DIS3L2: variants seen among roughly 807,000 people sequenced by gnomAD.
DIS3L2 encodes DIS3 like 3'-5' exoribonuclease 2.
A neutral mutation model predicts 97.5 loss-of-function variants in DIS3L2; 34 were observed. That is an observed-to-expected ratio of 0.35 (90% CI 0.27 to 0.46). The LOEUF is 0.46. Ranked by LOEUF, DIS3L2 falls within the 20% of genes least tolerant of loss-of-function variation. The probability of loss-of-function intolerance (pLI) is 1.00; values close to 1 mark genes in which losing one functional copy is unlikely to be tolerated. For missense variants in DIS3L2, 1,038 were observed against 1,146.0 expected, an observed-to-expected ratio of 0.91 and a Z score of 1.36; for synonymous variants, 435 against 445.2, an observed-to-expected ratio of 0.98 and a Z score of 0.29.
rs1698189407 is a variant in DIS3L2 at position 232,130,651 on chromosome 2, G to T, written c.634G>T (p.Asp212Tyr). The change falls in exon 7 of 21, where the codon GAT becomes TAT. Residue 212 changes from aspartate (D) to tyrosine (Y), a missense_variant. By Grantham distance (160) the Asp-to-Tyr change is radical. This residue lies in a region of DIS3L2 where 813 missense variants were observed against 880.1 expected (regional missense o/e 0.92). Transcript: ENST00000325385. ...GGATGGTGATGCACCGGTTACAAAA[G>T]ATGAGACCACCTGCATTTCACAAGA... is the stretch of plus-strand genomic sequence containing the variant. ...REDGDAPVTKDETTCISQDTR... is the reference protein window; with the variant it reads ...REDGDAPVTKYETTCISQDTR... The T allele has an allele frequency of 1.2e-6, 2 of 1,613,288 alleles. No individual in the cohort carries two copies. The highest frequency in any genetic ancestry group is 1.7e-4 in the Middle Eastern group (1 of 6,056).
At chr2:231,988,648 A>G (rs1693488535) in intron 1 of DIS3L2, among the ~76,000 whole-genome samples, 1 of 152,190 alleles carries the variant, frequency 6.6e-6, no homozygotes, top group African/African-American at 2.4e-5. Context: ...GTGTGTAGGC[A>G]GGAAGATGGT....
In DIS3L2 at chr2:232,300,210, G is replaced by A. The variant is rs1217382562; in HGVS notation, c.1739+91G>A. 4 of 1,269,712 alleles carry A rather than the reference G, an allele frequency of 3.2e-6. No homozygotes were observed. The African/African-American group carries it at 4.4e-5, about 14-fold the overall frequency. The allele number at this position is 1,269,712 out of a possible 1,614,324, so 78.7% of individuals were successfully genotyped here. A position where few individuals can be genotyped will look rare whatever the true frequency, so the allele number is the denominator to read the frequency against. ...TGACACTGAGCTTCCATTGCTAAGTGGTTGTCAGGAAGGGAATACACCTTT... is the reference window on the plus strand; with the variant it reads ...TGACACTGAGCTTCCATTGCTAAGTAGTTGTCAGGAAGGGAATACACCTTT... On this transcript the variant is annotated intron_variant, in intron 14 of 20. Transcript: ENST00000325385.
chr2:231,987,920 C>A (rs553271145), intron 1 of DIS3L2, among the ~76,000 whole-genome samples: 30 of 152,016 alleles, frequency 2.0e-4, no homozygotes, highest in African/African-American at 6.5e-4. Context: ...GCTCACTGTG[C>A]GCGACCTCTG....
At chr2:232,011,497 C>T (rs370786377) in intron 1 of DIS3L2, among the ~76,000 whole-genome samples, 4 of 151,744 alleles carry the variant, frequency 2.6e-5, no homozygotes, top group Admixed American at 6.6e-5. Flanking sequence ...GGAGTACAGG[C>T]GTGCACCACC....
chr2:232,177,026 A>G (rs902859296), intron 9 of DIS3L2, among the ~76,000 whole-genome samples: 4 of 144,186 alleles, frequency 2.8e-5, no homozygotes, highest in East Asian at 2.0e-4. Context: ...TCATTGTTCA[A>G]TTCCCACCTA....
intron 1 of DIS3L2, among the ~76,000 whole-genome samples, chr2:231,975,702 C>T (rs1693065413): frequency 1.4e-5 from 1 of 72,832 alleles, no homozygotes. Context: ...GAGACTCCGC[C>T]TCAAAAAAAA....
chr2:232,096,285 A>T (rs565195805), intron 6 of DIS3L2, among the ~76,000 whole-genome samples: 20 of 151,514 alleles, frequency 1.3e-4, no homozygotes, highest in Non-Finnish European at 2.8e-4. Flanking sequence ...ACAGGGTTTC[A>T]CCGTGTTAGC....
At chr2:232,135,873 G>A (rs549318516) in intron 7 of DIS3L2, among the ~76,000 whole-genome samples, 1 of 152,068 alleles carries the variant, frequency 6.6e-6, no homozygotes, top group Non-Finnish European at 1.5e-5. Context: ...TGTTGAGGAG[G>A]GGGTGGTGAG....
At position 232,330,786 on chromosome 2, in the gene DIS3L2, G is replaced by T. The variant is rs771412088; in HGVS notation, c.2010+10G>T. 4.4e-6 allele frequency: 7 copies of T among 1,607,594 alleles called. No individual in the cohort carries two copies. The highest frequency in any genetic ancestry group is 2.2e-5 in the East Asian group (1 of 44,894). ...CTCCCGGCCCATGCAGGTAAGGAGGGCCCAGCCCCGGCCTCCCCTGCTCCC... is the reference window on the plus strand; with the variant it reads ...CTCCCGGCCCATGCAGGTAAGGAGGTCCCAGCCCCGGCCTCCCCTGCTCCC... On this transcript the variant is annotated intron_variant, in intron 16 of 20. Coordinates refer to ENST00000325385, the MANE Select transcript of DIS3L2 (RefSeq NM_152383.5).
At chr2:232,181,705 C>T (rs555862392) in intron 9 of DIS3L2, among the ~76,000 whole-genome samples, 3 of 152,120 alleles carry the variant, frequency 2.0e-5, no homozygotes, top group Non-Finnish European at 4.4e-5. Context: ...GTGGTGCGAT[C>T]TCAGCTCACT....
In DIS3L2 at chr2:232,221,716, A is replaced by G. The variant is rs1285077488; in HGVS notation, c.1204+11311A>G. Among the ~76,000 whole-genome samples the G allele has an allele frequency of 2.0e-5, 3 of 152,026 alleles. No homozygotes were observed. In the East Asian group the frequency reaches 5.8e-4, roughly 30 times the overall value. On this transcript the variant is annotated intron_variant, in intron 10 of 20. Transcript: ENST00000325385. ...CTCAGGAGGCTGAGGTGGGAGAATC[A>G]GTTGAACCTGGGAGGTGGAGGTTGC...
chr2:232,242,524 C>G (rs1693128450), intron 11 of DIS3L2, among the ~76,000 whole-genome samples: 1 of 152,198 alleles, frequency 6.6e-6, no homozygotes. Context: ...TGATTCTTCC[C>G]TTCTGTGGCC....
At chr2:232,082,580 A>G (rs571042111) in intron 5 of DIS3L2, among the ~76,000 whole-genome samples, 1 of 152,156 alleles carries the variant, frequency 6.6e-6, no homozygotes, top group Non-Finnish European at 1.5e-5. Context: ...ACAGCCCCCT[A>G]CTTCTGGTCT....
rs1299486144 is a variant in DIS3L2 at position 232,269,134 on chromosome 2, T to C, written c.1659+5694T>C. ...CTGGCTCTGCCTCGTGTAGGTGCGC[T>C]GAAGGTGGGGACTGCTCATGGCAAA... On this transcript the variant is annotated intron_variant, in intron 13 of 20. Transcript: ENST00000325385. This position sits in a 1 kb window ranked among gnomAD's most constrained non-coding sequence, Gnocchi z 4.5. Among the ~76,000 whole-genome samples the C allele has an allele frequency of 6.6e-6, 1 of 152,126 alleles. No individual in the cohort carries two copies. The highest frequency in any genetic ancestry group is 1.5e-5 in the Non-Finnish European group (1 of 68,020).
chr2:232,248,824 A>G (rs1027590906), intron 11 of DIS3L2, among the ~76,000 whole-genome samples: 1 of 152,232 alleles, frequency 6.6e-6, no homozygotes, highest in Admixed American at 6.5e-5. Context: ...AACAATAACA[A>G]TAGCTTATTT....
chr2:232,007,677 C>T (rs1694091283), intron 1 of DIS3L2, among the ~76,000 whole-genome samples: 1 of 152,188 alleles, frequency 6.6e-6, no homozygotes, highest in Admixed American at 6.5e-5. Flanking sequence ...CAACATTCTA[C>T]TCCCACCATG....
intron 9 of DIS3L2, among the ~76,000 whole-genome samples, chr2:232,208,991 GTTA>G (rs1247861466): frequency 6.6e-6 from 1 of 152,088 alleles, no homozygotes; most frequent in Non-Finnish European, 1.5e-5. Flanking sequence ...AAAAAAAAAG[GTTA>G]TTATTATTTT....
At chr2:232,031,161 A>G (rs142922528) in intron 5 of DIS3L2, among the ~76,000 whole-genome samples, 9 of 152,344 alleles carry the variant, frequency 5.9e-5, no homozygotes, top group African/African-American at 2.2e-4. Flanking sequence ...TAAAAATTTT[A>G]GAATACTGCC....
chr2:232,216,923 A>G (rs995999689), intron 10 of DIS3L2, among the ~76,000 whole-genome samples: 1 of 147,600 alleles, frequency 6.8e-6, no homozygotes, highest in Non-Finnish European at 1.5e-5. Flanking sequence ...GCACACTGCA[A>G]CCTCCCCCTC....
Sources: gnomAD v4.1 joint callset for allele counts (sites outside exome capture counted in the v4.1 genomes callset) on GRCh38, gnomAD v4.1.1 for gene constraint, gnomAD v4.1.1 regional missense constraint, Gnocchi (gnomAD v3.1) non-coding constraint, MANE v1.5 for transcripts, NCBI Gene and HGNC (gene_info 2026-07-23, HGNC 2026-07-21) for gene names.